ST7: variants seen among roughly 807,000 people sequenced by gnomAD.
ST7 encodes suppressor of tumorigenicity 7 protein.
ST7 carries 28 observed loss-of-function variants against 78.7 expected under a neutral mutation model. The ratio of observed to expected loss-of-function variants is 0.36; its 90% CI spans 0.26 to 0.49. The LOEUF is 0.49. Ranked by LOEUF, ST7 falls within the 20% of genes least tolerant of loss-of-function variation. ST7 has a pLI of 0.99. For missense variants in ST7, 418 were observed against 696.0 expected (o/e 0.60, Z 4.49); for synonymous variants, 247 against 249.6 (o/e 0.99, Z 0.10).
At chr7:117,200,599 C>A (rs943989575) in intron 12 of ST7, among the ~76,000 whole-genome samples, 6 of 152,148 alleles carry the variant, frequency 3.9e-5, no homozygotes, top group Admixed American at 3.3e-4. Context: ...GCACAACAGG[C>A]AGTCCCAGAG....
intron 1 of ST7, among the ~76,000 whole-genome samples, chr7:117,082,606 C>T (rs975579075): frequency 6.6e-6 from 1 of 152,130 alleles, no homozygotes; most frequent in Admixed American, 6.6e-5. Flanking sequence ...TCATAACTCC[C>T]CTGAAATATA....
At chr7:117,096,906 G>A (rs1563077896) in intron 1 of ST7, among the ~76,000 whole-genome samples, 2 of 151,972 alleles carry the variant, frequency 1.3e-5, no homozygotes, top group Admixed American at 6.6e-5. Context: ...TTATTTTAAT[G>A]CCTACCATTA....
chr7:116,990,250 G>C (rs532611673), intron 1 of ST7, among the ~76,000 whole-genome samples: 13 of 152,234 alleles, frequency 8.5e-5, no homozygotes, highest in African/African-American at 2.4e-4. Context: ...ATTAACCTTT[G>C]ATTTCTCTGT....
At chr7:117,086,023 C>A (rs1800118261) in intron 1 of ST7, among the ~76,000 whole-genome samples, 1 of 152,138 alleles carries the variant, frequency 6.6e-6, no homozygotes, top group Admixed American at 6.5e-5. Context: ...CTCCCCTCCC[C>A]TCTCTTCCCT....
At chr7:117,031,959 G>A (rs1228113501) in intron 1 of ST7, among the ~76,000 whole-genome samples, 2 of 148,096 alleles carry the variant, frequency 1.4e-5, no homozygotes, top group Non-Finnish European at 1.5e-5. Context: ...TTGGCTCACT[G>A]CAACTTCTGC....
chr7:117,199,778 G>A (rs749115975), intron 12 of ST7, among the ~76,000 whole-genome samples: 1 of 152,228 alleles, frequency 6.6e-6, no homozygotes, highest in Non-Finnish European at 1.5e-5. Context: ...TATGAGGCAG[G>A]CAGAGTTCTG....
In ST7 at chr7:117,076,010, C is replaced by G. The variant is rs61592833; in HGVS notation, c.152-23752C>G. On this transcript the variant is annotated intron_variant, in intron 1 of 15. Coordinates refer to ENST00000323984, the MANE Select transcript of ST7 (RefSeq NM_001369598.1). ...CTCATTCACCATGTTTGCTTCTTTG[C>G]CCCTCCCAACTTCCTGGTTTCTTAC... 5.1e-4 allele frequency among the ~76,000 whole-genome samples: 77 copies of G among 152,318 alleles called. 1 individual carries two copies. In the East Asian group the frequency reaches 0.01, roughly 20 times the overall value.
chr7:117,055,455 C>T (rs570055106), intron 1 of ST7, among the ~76,000 whole-genome samples: 7 of 152,252 alleles, frequency 4.6e-5, no homozygotes, highest in Non-Finnish European at 7.4e-5. Flanking sequence ...CCTCCTGCCT[C>T]GGCCTCCCAA....
At chr7:117,086,849 C>T (rs889500967) in intron 1 of ST7, among the ~76,000 whole-genome samples, 4 of 152,114 alleles carry the variant, frequency 2.6e-5, no homozygotes, top group Non-Finnish European at 4.4e-5. Flanking sequence ...TCCTTAGGTA[C>T]AAATGCAAAG....
At chr7:117,144,690 C>G (rs1805609472) in intron 9 of ST7, among the ~76,000 whole-genome samples, 1 of 151,170 alleles carries the variant, frequency 6.6e-6, no homozygotes, top group South Asian at 2.1e-4. Context: ...TCCAGGGGTT[C>G]CCTGACCATG....
chr7:117,167,537 C>G (rs1402358160), intron 9 of ST7, among the ~76,000 whole-genome samples: 1 of 151,840 alleles, frequency 6.6e-6, no homozygotes. Flanking sequence ...TAAGGACACT[C>G]AGGTAAAACT....
At chr7:117,067,268 T>A (rs1313892612) in intron 1 of ST7, among the ~76,000 whole-genome samples, 2 of 151,992 alleles carry the variant, frequency 1.3e-5, no homozygotes, top group African/African-American at 4.8e-5. Context: ...AGTAGTAGAA[T>A]TGCTGGATCA....
intron 2 of ST7, among the ~76,000 whole-genome samples, chr7:117,111,876 G>A (rs979146146): frequency 6.6e-6 from 1 of 152,162 alleles, no homozygotes; most frequent in Non-Finnish European, 1.5e-5. Flanking sequence ...AGGTGGATAT[G>A]TGCAGAAAAT....
At chr7:117,000,327 GTGTC>G (rs1464373875) in intron 1 of ST7, among the ~76,000 whole-genome samples, 1 of 152,214 alleles carries the variant, frequency 6.6e-6, no homozygotes, top group South Asian at 2.1e-4. Flanking sequence ...CTGTAATACA[GTGTC>G]TGTTGAGCTC....
chr7:117,140,711 T>A (rs1805211717), intron 9 of ST7, among the ~76,000 whole-genome samples: 4 of 151,392 alleles, frequency 2.6e-5, no homozygotes, highest in African/African-American at 9.7e-5. Context: ...ATTACGTTTC[T>A]AAAAAAAAAG....
chr7:117,125,904 A>G (rs932713829), intron 3 of ST7, among the ~76,000 whole-genome samples: 1 of 152,058 alleles, frequency 6.6e-6, no homozygotes, highest in Non-Finnish European at 1.5e-5. Flanking sequence ...CATGTAATGG[A>G]TAAGAGTCGG....
At chr7:117,199,073 G>C (rs1468689578) in intron 12 of ST7, 2 of 151,980 alleles carry the variant, frequency 1.3e-5, no homozygotes, top group Non-Finnish European at 2.9e-5. Flanking sequence ...CATTCCCAGG[G>C]GTACTTCTAC....
intron 10 of ST7, among the ~76,000 whole-genome samples, chr7:117,175,877 A>T (rs1437085601): frequency 6.6e-6 from 1 of 152,180 alleles, no homozygotes; most frequent in African/African-American, 2.4e-5. Flanking sequence ...TATATATAAA[A>T]TGTCGCAATG....
chr7:117,083,167 C>G (rs75428972), intron 1 of ST7, among the ~76,000 whole-genome samples: 1 of 152,194 alleles, frequency 6.6e-6, no homozygotes, highest in Non-Finnish European at 1.5e-5. Context: ...TCAAGCGATT[C>G]TCTTGCTTCA....
Sources: allele counts gnomAD v4.1 joint callset (sites outside exome capture counted in the v4.1 genomes callset), GRCh38; gene constraint gnomAD v4.1.1; transcripts MANE v1.5; gene names NCBI Gene and HGNC (gene_info 2026-07-23, HGNC 2026-07-21).